The following ANKRD13C variants were observed in gnomAD, a reference collection of about 807,000 sequenced individuals.
The protein encoded by ANKRD13C is ankyrin repeat domain 13C.
A neutral mutation model predicts 65.5 loss-of-function variants in ANKRD13C; 16 were observed. The ratio of observed to expected loss-of-function variants is 0.24; its 90% CI spans 0.17 to 0.37. The LOEUF (loss-of-function observed/expected upper bound fraction) is 0.37. ANKRD13C is among the 10% of genes least tolerant of loss of function. The pLI, the probability that ANKRD13C is intolerant of heterozygous loss-of-function variation, is 1.00. For missense variants in ANKRD13C, 503 were observed against 655.9 expected (o/e 0.77, Z 2.55); for synonymous variants, 235 against 238.7 (o/e 0.98, Z 0.14).
At chr1:70,280,786 G>A (rs910038589) in intron 9 of ANKRD13C, among the ~76,000 whole-genome samples, 1 of 152,172 alleles carries the variant, frequency 6.6e-6, no homozygotes, top group Non-Finnish European at 1.5e-5. Context: ...TTTAGTTACT[G>A]AGCATAGCCA....
intron 9 of ANKRD13C, among the ~76,000 whole-genome samples, chr1:70,278,770 A>T (rs560123901): frequency 6.6e-6 from 1 of 152,348 alleles, no homozygotes; most frequent in Non-Finnish European, 1.5e-5. Flanking sequence ...AAATTGAGTT[A>T]GAATCCCAGC....
intron 1 of ANKRD13C, among the ~76,000 whole-genome samples, chr1:70,347,573 G>A (rs1451275721): frequency 6.6e-6 from 1 of 152,134 alleles, no homozygotes; most frequent in Non-Finnish European, 1.5e-5. Context: ...GAAAAGGGGA[G>A]AAGAGGATCC....
Position 70,324,903 on chromosome 1 carries a change from T to C in ANKRD13C, c.527A>G (p.Gln176Arg). The C allele has an allele frequency of 6.2e-7, 1 of 1,611,774 alleles. No homozygotes were observed. Among genetic ancestry groups the C allele is most frequent in the Non-Finnish European group, 8.5e-7 (1 of 1,178,654 alleles). Residue 176 changes from glutamine to arginine, a missense_variant, in exon 3 of 13, where the codon CAG (glutamine) becomes CGG (arginine). Gln to Arg is a conservative substitution (Grantham distance 43). Transcript: ENST00000370944. ...HNAPVKVKNA[Q>R]GWSPLAEAIS... is the part of the protein sequence containing the mutation. ...GGCTTCCGCCAGAGGGCTCCATCCC[T>C]GAGCATTTTTCACCTTGACTGGAGC...
intron 1 of ANKRD13C, among the ~76,000 whole-genome samples, chr1:70,340,321 A>G (rs1682252812): frequency 6.6e-6 from 1 of 152,166 alleles, no homozygotes; most frequent in Non-Finnish European, 1.5e-5. Flanking sequence ...AACAGATTTG[A>G]TGATTGATAT....
At chr1:70,350,179 C>T (rs1682688508) in intron 1 of ANKRD13C, among the ~76,000 whole-genome samples, 1 of 152,184 alleles carries the variant, frequency 6.6e-6, no homozygotes, top group Non-Finnish European at 1.5e-5. Context: ...TCTTGCACTG[C>T]ATAACTAAGT....
chr1:70,331,114 C>T (rs1257595961), intron 2 of ANKRD13C, among the ~76,000 whole-genome samples: 7 of 152,138 alleles, frequency 4.6e-5, no homozygotes. Flanking sequence ...TACGTGAACG[C>T]CCTGGGAAAT....
At chr1:70,306,361 A>G in intron 5 of ANKRD13C, 71 bp from the exon 6 acceptor site, 1 of 936,096 alleles carries the variant, frequency 1.1e-6, no homozygotes, top group East Asian at 2.7e-5. Flanking sequence ...TTTTAAATTA[A>G]AAGAGTAATG....
intron 1 of ANKRD13C, among the ~76,000 whole-genome samples, chr1:70,346,595 G>C (rs929102727): frequency 1.3e-5 from 2 of 152,148 alleles, no homozygotes; most frequent in African/African-American, 4.8e-5. Context: ...ATCCAAGCAA[G>C]CAGTAAAAGG....
chr1:70,308,184 G>A (rs1039289495), intron 5 of ANKRD13C, among the ~76,000 whole-genome samples: 5 of 151,464 alleles, frequency 3.3e-5, no homozygotes, highest in African/African-American at 7.3e-5. Flanking sequence ...TTTTAAAGAC[G>A]GGGGTCTCCC....
At position 70,293,637 on chromosome 1, in the gene ANKRD13C, A is replaced by G. The variant is rs925876720; in HGVS notation, c.1054-1088T>C. Reference sequence around the variant, plus strand: ...CATCTAATGCTGCCCAGAAGAACAAAGTACAAACAAATAAGACTTTAAAGC... The same window carrying G: ...CATCTAATGCTGCCCAGAAGAACAAGGTACAAACAAATAAGACTTTAAAGC... On this transcript the variant is annotated intron_variant, in intron 8 of 12. Coordinates refer to ENST00000370944, the MANE Select transcript of ANKRD13C (RefSeq NM_030816.5). 8.5e-6 allele frequency: 7 copies of G among 825,004 alleles called. No individual in the cohort carries two copies. The African/African-American group carries it at 9.3e-5, about 11-fold the overall frequency. The allele number at this position is 825,004 out of a possible 1,614,324, so 51.1% of individuals were successfully genotyped here.
chr1:70,299,702 G>C (rs1347648921), intron 7 of ANKRD13C, among the ~76,000 whole-genome samples: 1 of 152,110 alleles, frequency 6.6e-6, no homozygotes, highest in Non-Finnish European at 1.5e-5. Context: ...CTTCAAAAGA[G>C]GAAAAACAGG....
chr1:70,316,518 A>G, intron 3 of ANKRD13C, among the ~76,000 whole-genome samples: 1 of 146,712 alleles, frequency 6.8e-6, no homozygotes, highest in East Asian at 2.0e-4. Context: ...CCCCATCTCT[A>G]TTAAAAAAAA....
At chr1:70,310,176 T>C (rs1680789993) in intron 5 of ANKRD13C, among the ~76,000 whole-genome samples, 1 of 152,324 alleles carries the variant, frequency 6.6e-6, no homozygotes, top group Middle Eastern at 3.4e-3. Flanking sequence ...AGTCTGAATA[T>C]AAGTAAGAGC....
Position 70,315,541 on chromosome 1 carries a change from C to T in ANKRD13C, c.603G>A (p.Lys201=). Residue 201 remains lysine (K), a synonymous_variant, in exon 4 of 13, where the codon AAG becomes AAA. Coordinates refer to ENST00000370944, the MANE Select transcript of ANKRD13C (RefSeq NM_030816.5). ...CTTCAACACTTTCCCTGGATTGCTG[C>T]TTAAGCTTCCTCAAAAGAGCTGTAA... ...QMITALLRKL[K]QQSRESVEEK... is the part of the protein sequence containing the mutation. 6.2e-7 allele frequency: 1 copy of T among 1,607,772 alleles called. No homozygotes were observed. The highest frequency in any genetic ancestry group is 8.5e-7 in the Non-Finnish European group (1 of 1,177,124).
intron 6 of ANKRD13C, chr1:70,305,673 T>A (rs1313898623): frequency 2.0e-5 from 3 of 152,164 alleles, no homozygotes; most frequent in Non-Finnish European, 2.9e-5. Flanking sequence ...GTATTTTCTA[T>A]CAGATTCAAA....
rs552459423 is a variant in ANKRD13C, at chr1:70,261,104, C to T, written c.*1613G>A. 3.9e-5 allele frequency: 6 copies of T among 152,154 alleles called. No homozygotes were observed. Among genetic ancestry groups the T allele is most frequent in the Admixed American group, 2.0e-4 (3 of 15,282 alleles). 9.4% of individuals were successfully genotyped at this position (152,154 alleles called of 1,614,324 possible). On this transcript the variant is annotated 3_prime_UTR_variant, in exon 13 of 13. Transcript: ENST00000370944. ...CAAAGCTAGTCTGGGTTTACTAACA[C>T]GTTCCCCCAAAATTCAATAGGTCCA...
At chr1:70,336,134 G>A (rs1319021063) in intron 1 of ANKRD13C, 35 bp from the exon 2 acceptor site, 1 of 603,750 alleles carries the variant, frequency 1.7e-6, no homozygotes, top group Non-Finnish European at 2.4e-6. Flanking sequence ...TAAATTAGAA[G>A]GTGTAAAAAC....
At chr1:70,353,336 T>C (rs1682832589) in intron 1 of ANKRD13C, among the ~76,000 whole-genome samples, 1 of 152,192 alleles carries the variant, frequency 6.6e-6, no homozygotes, top group East Asian at 1.9e-4. Flanking sequence ...ACATTACTAT[T>C]AGCAATTATC....
At chr1:70,305,951 G>A (rs1680568894) in intron 6 of ANKRD13C, 1 of 176,580 alleles carries the variant, frequency 5.7e-6, no homozygotes, top group East Asian at 1.5e-4. Context: ...TTTGCCTTCT[G>A]GATAGTCTGT....
Sources: allele counts gnomAD v4.1 joint callset (sites outside exome capture counted in the v4.1 genomes callset), GRCh38; gene constraint gnomAD v4.1.1; transcripts MANE v1.5; gene names NCBI Gene and HGNC (gene_info 2026-07-23, HGNC 2026-07-21).